Variants in BIRC6 observed in about 807,000 individuals in gnomAD.
BIRC6 encodes baculoviral IAP repeat containing 6, also known as dual E2 ubiquitin-conjugating enzyme/E3 ubiquitin-protein ligase BIRC6.
BIRC6 carries 98 observed loss-of-function variants against 503.3 expected under a neutral mutation model. The ratio of observed to expected loss-of-function variants is 0.19; its 90% CI spans 0.17 to 0.23. The LOEUF (loss-of-function observed/expected upper bound fraction) is 0.23. BIRC6 is among the 10% of genes least tolerant of loss of function. BIRC6 has a pLI of 1.00. For missense variants in BIRC6, 5,360 were observed against 5,806.0 expected (o/e 0.92, Z 2.50); for synonymous variants, 2,240 against 2,078.7 (o/e 1.08, Z -2.11).
intron 22 of BIRC6, 56 bp from the exon 23 acceptor site, chr2:32,453,752 C>G: frequency 6.5e-7 from 1 of 1,529,156 alleles, no homozygotes. Context: ...ATTGTTGTGA[C>G]TATTGCTTTT....
At chr2:32,525,650 A>G in intron 59 of BIRC6, 22 bp downstream of exon 59, 3 of 1,592,210 alleles carry the variant, frequency 1.9e-6, no homozygotes, top group Non-Finnish European at 2.6e-6. Context: ...CAATGAATAA[A>G]CGTCAAAGAA....
At chr2:32,546,436 C>T (rs111279892) in intron 63 of BIRC6, among the ~76,000 whole-genome samples, 5,310 of 151,872 alleles carry the variant, frequency 0.035, 140 homozygotes, top group African/African-American at 0.074. Context: ...AAAAATTTGC[C>T]GGACATGGTG....
chr2:32,399,963 A>G (rs1344581965), intron 6 of BIRC6, among the ~76,000 whole-genome samples: 1 of 151,338 alleles, frequency 6.6e-6, no homozygotes, highest in Non-Finnish European at 1.5e-5. Flanking sequence ...AATTATTTTT[A>G]TTTTTATTTT....
intron 68 of BIRC6, among the ~76,000 whole-genome samples, chr2:32,596,636 A>G (rs1172115115): frequency 6.6e-6 from 1 of 152,104 alleles, no homozygotes; most frequent in Non-Finnish European, 1.5e-5. Context: ...GTCAGAAAAG[A>G]GTTTCCAGAC....
At chr2:32,519,024 A>G in intron 57 of BIRC6, 78 bp downstream of exon 57, 2 of 1,376,638 alleles carry the variant, frequency 1.5e-6, no homozygotes, top group South Asian at 2.6e-5. Flanking sequence ...TTATAACTTT[A>G]TTTTCTGCAT....
chr2:32,587,575 T>G (rs1039703998), intron 66 of BIRC6, among the ~76,000 whole-genome samples: 2 of 151,806 alleles, frequency 1.3e-5, no homozygotes, highest in Non-Finnish European at 2.9e-5. Flanking sequence ...AATACAAAAA[T>G]TAGCCAGGCG....
intron 9 of BIRC6, among the ~76,000 whole-genome samples, chr2:32,410,485 T>G (rs1489333739): frequency 6.6e-6 from 1 of 152,210 alleles, no homozygotes; most frequent in East Asian, 1.9e-4. Context: ...ACTGAAAATT[T>G]TTTTCTGCTG....
At chr2:32,406,722 G>T (rs535455567) in intron 9 of BIRC6, among the ~76,000 whole-genome samples, 165 bp downstream of exon 9, 2 of 152,146 alleles carry the variant, frequency 1.3e-5, no homozygotes, top group Admixed American at 1.3e-4. Context: ...CAAATTAGTA[G>T]TATGTACATA....
At chr2:32,529,960 T>A in intron 60 of BIRC6, 136 bp downstream of exon 60, 1 of 533,454 alleles carries the variant, frequency 1.9e-6, no homozygotes, top group Non-Finnish European at 2.9e-6. Flanking sequence ...TGAATTTTTG[T>A]AAATATAAAA....
At chr2:32,390,517 G>A (rs1270346793) in intron 4 of BIRC6, among the ~76,000 whole-genome samples, 1 of 152,098 alleles carries the variant, frequency 6.6e-6, no homozygotes, top group Non-Finnish European at 1.5e-5. Context: ...GTTTCACCAT[G>A]TTGGCCAGGC....
rs1430591083 is a variant in BIRC6 at position 32,512,967 on chromosome 2, G to T, written c.10381G>T (p.Ala3461Ser). The T allele has an allele frequency of 6.2e-7, 1 of 1,613,914 alleles. No individual in the cohort carries two copies. The highest frequency in any genetic ancestry group is 8.5e-7 in the Non-Finnish European group (1 of 1,179,868). The change falls in exon 54 of 74, where the codon GCA becomes TCA. Residue 3461 changes from alanine (A) to serine (S), a missense_variant. By Grantham distance (99) the Ala-to-Ser change is moderately conservative. This residue lies in a region of BIRC6 where 878 missense variants were observed against 928.9 expected (regional missense o/e 0.95). Coordinates refer to ENST00000421745, the MANE Select transcript of BIRC6 (RefSeq NM_016252.4). ...CTTGTTAAAATGGGTTAGTGATTCTGCAAGAGTGGCTGCTATGAAGAGAAG... is the reference window on the plus strand; with the variant it reads ...CTTGTTAAAATGGGTTAGTGATTCTTCAAGAGTGGCTGCTATGAAGAGAAG... ...QALLKWVSDSARVAAMKRSGR... is the reference protein window; with the variant it reads ...QALLKWVSDSSRVAAMKRSGR...
At chr2:32,501,682 C>G in intron 46 of BIRC6, 31 bp from the exon 47 acceptor site, 1 of 1,586,432 alleles carries the variant, frequency 6.3e-7, no homozygotes, top group South Asian at 1.1e-5. Flanking sequence ...GATATATATA[C>G]TTTTAATGTG....
intron 65 of BIRC6, among the ~76,000 whole-genome samples, chr2:32,570,111 T>C (rs2059819517): frequency 6.6e-6 from 1 of 152,150 alleles, no homozygotes; most frequent in Non-Finnish European, 1.5e-5. Flanking sequence ...GCCCAGTTTA[T>C]TGGGGATTTA....
chr2:32,617,577 T>C, intron 73 of BIRC6, 148 bp from the exon 74 acceptor site: 1 of 778,992 alleles, frequency 1.3e-6, no homozygotes. Context: ...CTATATCAAG[T>C]GCCTGTAACA....
intron 1 of BIRC6, among the ~76,000 whole-genome samples, chr2:32,377,141 C>G (rs1286073884): frequency 1.3e-5 from 2 of 151,970 alleles, no homozygotes; most frequent in African/African-American, 4.8e-5. Flanking sequence ...AAGAACTTCC[C>G]TATATACCCT....
Position 32,468,515 on chromosome 2 carries a change from A to G in BIRC6, c.5859A>G (p.Ala1953=). 1.2e-6 allele frequency: 2 copies of G among 1,613,980 alleles called. No individual in the cohort carries two copies. Among genetic ancestry groups the G allele is most frequent in the Middle Eastern group, 3.3e-4 (2 of 6,060 alleles). ...DLPPLNSANN[A]QYFLRKPDKA... ...CTCCTCTAAACAGTGCTAACAATGCACAGTACTTTTTACGAAAACCAGATA... is the reference window on the plus strand; with the variant it reads ...CTCCTCTAAACAGTGCTAACAATGCGCAGTACTTTTTACGAAAACCAGATA... The change falls in exon 29 of 74, where the codon GCA becomes GCG. Residue 1953 remains alanine, a synonymous_variant. Coordinates refer to ENST00000421745, the MANE Select transcript of BIRC6 (RefSeq NM_016252.4).
chr2:32,408,058 C>T (rs1391660921), intron 9 of BIRC6, among the ~76,000 whole-genome samples: 1 of 151,962 alleles, frequency 6.6e-6, no homozygotes, highest in Non-Finnish European at 1.5e-5. Context: ...ACATCCGCCT[C>T]CCGAGTTCAA....
chr2:32,453,939 G>A lies in BIRC6; in HGVS notation c.4750G>A (p.Ala1584Thr), dbSNP rs374285943. 3 of 1,612,124 alleles carry A rather than the reference G, an allele frequency of 1.9e-6. No homozygotes were observed. The highest frequency in any genetic ancestry group is 2.7e-5 in the African/African-American group (2 of 74,820). ...SDGTRIERDDAMSSFGVTPAV... is the reference protein window; with the variant it reads ...SDGTRIERDDTMSSFGVTPAV... ...TGGAACCAGAATAGAAAGGGATGATGCAAGTACGTTTACTGGTATATACCT... is the reference window on the plus strand; with the variant it reads ...TGGAACCAGAATAGAAAGGGATGATACAAGTACGTTTACTGGTATATACCT... The change falls in exon 23 of 74, where the codon GCA (alanine) becomes ACA (threonine). Residue 1584 changes from alanine to threonine, a missense_variant. Physicochemically the swap from Ala to Thr is moderately conservative, Grantham distance 58. Around this residue, in one of 16 missense-constraint regions of BIRC6, gnomAD observed 2,299 missense variants for 2,267.2 expected, o/e 1.01. Coordinates refer to ENST00000421745, the MANE Select transcript of BIRC6 (RefSeq NM_016252.4).
At position 32,548,093 on chromosome 2, in the gene BIRC6, C is replaced by G; in HGVS notation, c.12975+79C>G. 9 of 1,281,538 alleles carry G rather than the reference C, an allele frequency of 7.0e-6. No individual in the cohort carries two copies. The South Asian group carries it at 1.7e-4, about 24-fold the overall frequency. The allele number at this position is 1,281,538 out of a possible 1,614,324, so 79.4% of individuals were successfully genotyped here. On this transcript the variant is annotated intron_variant, in intron 64 of 73. Transcript: ENST00000421745. ...TTATTTTAAAATATTGATAACTAAT[C>G]CAACTTTCCTCAGCTATGTTTATGC... is the stretch of plus-strand genomic sequence containing the variant.
Sources: allele counts gnomAD v4.1 joint callset (sites outside exome capture counted in the v4.1 genomes callset), GRCh38; gene constraint gnomAD v4.1.1; regional missense constraint gnomAD v4.1.1; transcripts MANE v1.5; gene names NCBI Gene and HGNC (gene_info 2026-07-23, HGNC 2026-07-21).